ADAMTS12: variants seen among roughly 807,000 people sequenced by gnomAD.
The protein encoded by ADAMTS12 is ADAM metallopeptidase with thrombospondin type 1 motif 12.
ADAMTS12 carries 118 observed loss-of-function variants against 167.8 expected under a neutral mutation model. That is an observed-to-expected ratio of 0.70 (90% CI 0.61 to 0.82). The LOEUF (loss-of-function observed/expected upper bound fraction) is 0.82. ADAMTS12 is among the 40% of genes least tolerant of loss of function. The probability of loss-of-function intolerance (pLI) is 0.00; values close to 1 mark genes in which losing one functional copy is unlikely to be tolerated. For synonymous variants in ADAMTS12, 704 were observed against 716.9 expected (o/e 0.98, Z 0.29); for missense variants, 1,916 against 1,998.8 (o/e 0.96, Z 0.79).
intron 2 of ADAMTS12, among the ~76,000 whole-genome samples, chr5:33,764,205 T>C (rs142504976): frequency 1.8e-4 from 27 of 152,362 alleles, no homozygotes; most frequent in African/African-American, 5.0e-4. Context: ...TCATCTATGA[T>C]TGCTAACCTA....
chr5:33,827,737 A>AGAT (rs1748140308), intron 2 of ADAMTS12, among the ~76,000 whole-genome samples: 1 of 151,984 alleles, frequency 6.6e-6, no homozygotes, highest in Non-Finnish European at 1.5e-5. Context: ...ATAGATAGAT[A>AGAT]GATAGATAGA....
intron 3 of ADAMTS12, among the ~76,000 whole-genome samples, chr5:33,690,454 G>A (rs1742509836): frequency 7.0e-6 from 1 of 143,634 alleles, no homozygotes; most frequent in Non-Finnish European, 1.5e-5. Context: ...AAAAGTATAA[G>A]CACCTGAAAA....
chr5:33,553,379 A>C (rs1745342898), intron 20 of ADAMTS12, among the ~76,000 whole-genome samples: 1 of 152,242 alleles, frequency 6.6e-6, no homozygotes, highest in Non-Finnish European at 1.5e-5. Flanking sequence ...TACCCAAAGG[A>C]ATATAAATTA....
Position 33,576,913 on chromosome 5 carries a change from G to A in ADAMTS12, c.3113C>T (p.Pro1038Leu), listed in dbSNP as rs147729472. The A allele has an allele frequency of 6.9e-5, 112 of 1,614,070 alleles. No individual in the cohort carries two copies. Among genetic ancestry groups the A allele is most frequent in the Non-Finnish European group, 8.5e-5 (100 of 1,180,040 alleles). ...TGGAGTGCTTGTGCTCATAGACTCA[G>A]GCCCTGTGGGTGTGGTCAGCATTCT... is the stretch of plus-strand genomic sequence containing the variant. ...RPRMLTTPTG[P>L]ESMSTSTPAI... Residue 1038 changes from proline to leucine, a missense_variant, in exon 19 of 24, where the codon CCT (proline) becomes CTT (leucine). Coordinates refer to ENST00000504830, the MANE Select transcript of ADAMTS12 (RefSeq NM_030955.4).
At chr5:33,844,132 C>T (rs896538703) in intron 2 of ADAMTS12, among the ~76,000 whole-genome samples, 5 of 152,098 alleles carry the variant, frequency 3.3e-5, no homozygotes, top group Admixed American at 6.5e-5. Flanking sequence ...CCTGTCATCT[C>T]GTAAGCTGAG....
intron 18 of ADAMTS12, among the ~76,000 whole-genome samples, chr5:33,585,226 C>G (rs1561146624): frequency 6.6e-6 from 1 of 152,106 alleles, no homozygotes. Context: ...GAAGAGGTAC[C>G]CTTCCATCTA....
intron 3 of ADAMTS12, among the ~76,000 whole-genome samples, chr5:33,707,727 T>C (rs207465895): frequency 2.0e-5 from 3 of 152,096 alleles, no homozygotes; most frequent in Admixed American, 6.5e-5. Flanking sequence ...TAATAAATGG[T>C]GTTGGGAAAA....
chr5:33,637,797 CT>C (rs764401349), intron 11 of ADAMTS12, 51 bp from the exon 12 acceptor site: 26 of 1,581,590 alleles, frequency 1.6e-5, no homozygotes, highest in Non-Finnish European at 2.2e-5. Flanking sequence ...AACGCCAGCA[CT>C]TTCCTTTAAA....
chr5:33,822,591 A>C (rs1343978183), intron 2 of ADAMTS12, among the ~76,000 whole-genome samples: 1 of 152,108 alleles, frequency 6.6e-6, no homozygotes, highest in African/African-American at 2.4e-5. Flanking sequence ...TTGCAGCAAA[A>C]TTTAAAAGAA....
At chr5:33,874,101 C>G (rs1172056348) in intron 2 of ADAMTS12, among the ~76,000 whole-genome samples, 1 of 152,094 alleles carries the variant, frequency 6.6e-6, no homozygotes, top group East Asian at 1.9e-4. Flanking sequence ...TTAAAAATGT[C>G]TGCTCTGTGA....
At chr5:33,858,780 G>A (rs1361508292) in intron 2 of ADAMTS12, among the ~76,000 whole-genome samples, 1 of 152,142 alleles carries the variant, frequency 6.6e-6, no homozygotes, top group African/African-American at 2.4e-5. Context: ...GCAGAAGGCA[G>A]GTGATTTCTT....
At chr5:33,838,605 C>T (rs531169999) in intron 2 of ADAMTS12, among the ~76,000 whole-genome samples, 1 of 152,244 alleles carries the variant, frequency 6.6e-6, no homozygotes, top group Non-Finnish European at 1.5e-5. Context: ...TTGCTTGAAC[C>T]TGAAAGGCAG....
intron 2 of ADAMTS12, among the ~76,000 whole-genome samples, chr5:33,787,281 T>C (rs968076105): frequency 3.3e-5 from 5 of 152,346 alleles, no homozygotes; most frequent in South Asian, 2.1e-4. Flanking sequence ...TAAAGCTTCC[T>C]ACGGTTGTTA....
chr5:33,694,198 A>G (rs1032708072), intron 3 of ADAMTS12, among the ~76,000 whole-genome samples: 2 of 152,238 alleles, frequency 1.3e-5, no homozygotes, highest in Non-Finnish European at 2.9e-5. Context: ...ATGGATAGGA[A>G]GAATCAATAT....
intron 2 of ADAMTS12, among the ~76,000 whole-genome samples, chr5:33,820,527 A>G (rs1482727204): frequency 1.3e-5 from 2 of 152,190 alleles, no homozygotes; most frequent in Non-Finnish European, 2.9e-5. Context: ...AGGAGATAAT[A>G]AACTGTTCTG....
intron 14 of ADAMTS12, among the ~76,000 whole-genome samples, chr5:33,617,299 T>C (rs1270397226): frequency 1.3e-5 from 2 of 152,102 alleles, no homozygotes; most frequent in African/African-American, 4.8e-5. Flanking sequence ...CACTACGTTA[T>C]TTGGTCTGAT....
intron 3 of ADAMTS12, among the ~76,000 whole-genome samples, chr5:33,703,667 C>T (rs977818123): frequency 6.6e-6 from 1 of 152,184 alleles, no homozygotes; most frequent in Non-Finnish European, 1.5e-5. Flanking sequence ...CTGTGTCTGG[C>T]TTATTTTACT....
At chr5:33,757,439 C>T (rs1382231467) in intron 2 of ADAMTS12, among the ~76,000 whole-genome samples, 1 of 152,094 alleles carries the variant, frequency 6.6e-6, no homozygotes, top group African/African-American at 2.4e-5. Flanking sequence ...GAACCACGGA[C>T]GGGGGCTGTG....
intron 1 of ADAMTS12, chr5:33,891,492 A>G (rs1750850267): frequency 1.9e-6 from 1 of 534,008 alleles, no homozygotes; most frequent in African/African-American, 1.9e-5. Context: ...CTGCAGTGTC[A>G]TCCCTGTAAA....
Sources: allele counts gnomAD v4.1 joint callset (sites outside exome capture counted in the v4.1 genomes callset), GRCh38; gene constraint gnomAD v4.1.1; transcripts MANE v1.5; gene names NCBI Gene and HGNC (gene_info 2026-07-23, HGNC 2026-07-21).